DST: variants seen among roughly 807,000 people sequenced by gnomAD.
DST encodes bullous pemphigoid antigen.
Under a neutral mutation model 875.2 loss-of-function variants are expected in DST, and 253 were observed. That is an observed-to-expected ratio of 0.29 (90% CI 0.26 to 0.32). The LOEUF is 0.32. Ranked by LOEUF, DST falls within the 10% of genes least tolerant of loss-of-function variation. DST has a pLI of 1.00. For synonymous variants in DST, 3,124 were observed against 3,197.1 expected (o/e 0.98, Z 0.77); for missense variants, 8,287 against 9,111.6 (o/e 0.91, Z 3.68).
intron 9 of DST, among the ~76,000 whole-genome samples, chr6:56,679,591 T>G (rs945698466): frequency 7.1e-6 from 1 of 141,224 alleles, no homozygotes; most frequent in Non-Finnish European, 1.5e-5. Flanking sequence ...AGGAAGACTA[T>G]GTCTCATTAA....
chr6:56,834,371 G>T (rs1451293154), intron 4 of DST, among the ~76,000 whole-genome samples: 1 of 152,188 alleles, frequency 6.6e-6, no homozygotes, highest in African/African-American at 2.4e-5. Flanking sequence ...GGCCAAGGCG[G>T]GCAGATCACA....
chr6:56,892,356 C>T (rs1265494749), intron 3 of DST, among the ~76,000 whole-genome samples: 1 of 141,742 alleles, frequency 7.1e-6, no homozygotes, highest in African/African-American at 2.7e-5. Flanking sequence ...CAGTGTCTTG[C>T]TCTGTCACTC....
intron 50 of DST, among the ~76,000 whole-genome samples, chr6:56,576,961 ACTT>A (rs2097877370): frequency 6.6e-6 from 1 of 152,210 alleles, no homozygotes; most frequent in South Asian, 2.1e-4. Context: ...TTTAGTTTGC[ACTT>A]CTTAGTGATA....
intron 98 of DST, 42 bp from the exon 99 acceptor site, chr6:56,466,237 A>G: frequency 1.5e-6 from 2 of 1,370,904 alleles, no homozygotes; most frequent in Non-Finnish European, 2.0e-6. Flanking sequence ...TGTCAATAAT[A>G]ATTCTAAACT....
chr6:56,549,222 A>C (rs2097279692), intron 61 of DST, among the ~76,000 whole-genome samples: 1 of 152,174 alleles, frequency 6.6e-6, no homozygotes. Flanking sequence ...TTTTGTATTA[A>C]GAAAAACTAT....
rs765807293 is a variant in DST at position 56,472,053 on chromosome 6, C to G, written c.22158+6G>C. 6.2e-7 allele frequency: 1 copy of G among 1,613,784 alleles called. No individual in the cohort carries two copies. Among genetic ancestry groups the G allele is most frequent in the Non-Finnish European group, 8.5e-7 (1 of 1,179,738 alleles). On this transcript the variant is annotated splice_donor_region_variant and intron_variant, in intron 94 of 103. Transcript: ENST00000680361. The stretch of plus-strand genomic sequence containing the variant: ...AATGTGGTGTTGAGGGTATGAATTT[C>G]CAAACCTCCTCTAGTCTGTCCAAGG...
intron 2 of DST, among the ~76,000 whole-genome samples, chr6:56,933,957 A>T (rs17752459): frequency 6.6e-6 from 1 of 152,114 alleles, no homozygotes. Flanking sequence ...GTAAGAGCCA[A>T]TTCCTACATT....
At chr6:56,658,871 T>C (rs1346448124) in intron 10 of DST, among the ~76,000 whole-genome samples, 3 of 152,084 alleles carry the variant, frequency 2.0e-5, no homozygotes, top group South Asian at 2.1e-4. Flanking sequence ...AAGGCATGCA[T>C]AGGTCTGTGG....
At chr6:56,780,646 G>T (rs1054858243) in intron 4 of DST, among the ~76,000 whole-genome samples, 9 of 151,816 alleles carry the variant, frequency 5.9e-5, no homozygotes, top group African/African-American at 1.9e-4. Context: ...AGATGAGTAG[G>T]TTGCAAAAAT....
intron 72 of DST, among the ~76,000 whole-genome samples, chr6:56,514,034 G>A (rs1387541167): frequency 6.6e-6 from 1 of 152,182 alleles, no homozygotes; most frequent in Non-Finnish European, 1.5e-5. Context: ...ACAATTTGAA[G>A]ATGTGGCTAC....
At chr6:56,562,835 G>A (rs1051449469) in intron 55 of DST, among the ~76,000 whole-genome samples, 18 of 151,882 alleles carry the variant, frequency 1.2e-4, no homozygotes, top group Admixed American at 3.3e-4. Flanking sequence ...GAGAACATGC[G>A]GTGTTTGGTT....
At chr6:56,546,917 T>C (rs1044990999) in intron 61 of DST, among the ~76,000 whole-genome samples, 7 of 152,194 alleles carry the variant, frequency 4.6e-5, no homozygotes, top group Non-Finnish European at 7.3e-5. Flanking sequence ...AAAATGGTGA[T>C]ATAGGTTTAT....
chr6:56,825,700 A>G (rs2099779608), intron 4 of DST, among the ~76,000 whole-genome samples: 1 of 152,210 alleles, frequency 6.6e-6, no homozygotes, highest in African/African-American at 2.4e-5. Flanking sequence ...ATTCGCAGAA[A>G]AAGAAGTTGT....
chr6:56,948,372 A>C (rs1211056795), intron 2 of DST, among the ~76,000 whole-genome samples: 1 of 152,186 alleles, frequency 6.6e-6, no homozygotes, highest in Non-Finnish European at 1.5e-5. Flanking sequence ...ACTTGAACAC[A>C]AGTGTGGCAA....
chr6:56,762,844 CTT>C (rs869153143), intron 4 of DST, among the ~76,000 whole-genome samples: 17,893 of 110,566 alleles, frequency 0.16, 881 homozygotes, highest in African/African-American at 0.28. Context: ...AGAACACCAC[CTT>C]TTTTTTTTTT....
chr6:56,560,377 A>C lies in DST; in HGVS notation c.14357T>G (p.Leu4786Trp), dbSNP rs764864806. ...CAACAGCTCTGTCAATTTGTCTTTC[A>C]ACTCCTGTACTTTGTTTACATTCTG... ...LKQNVNKVQELKDKLTELLEE... is the reference protein window; with the variant it reads ...LKQNVNKVQEWKDKLTELLEE... The change falls in exon 58 of 104, where the codon TTG (leucine) becomes TGG (tryptophan). Residue 4786 changes from leucine (L) to tryptophan (W), a missense_variant. By Grantham distance (61) the Leu-to-Trp change is moderately conservative (BLOSUM62 -2). Coordinates refer to ENST00000680361, the MANE Select transcript of DST (RefSeq NM_001374736.1). 7 of 1,606,632 alleles carry C rather than the reference A, an allele frequency of 4.4e-6. No homozygotes were observed. The South Asian group carries it at 7.8e-5, about 18-fold the overall frequency.
intron 3 of DST, among the ~76,000 whole-genome samples, chr6:56,880,544 C>A (rs1364737865): frequency 6.6e-6 from 1 of 151,762 alleles, no homozygotes; most frequent in African/African-American, 2.4e-5. Context: ...AAAAATTAGC[C>A]GGGCGTGGTA....
At chr6:56,942,935 G>A (rs999111100) in intron 2 of DST, among the ~76,000 whole-genome samples, 46 of 151,776 alleles carry the variant, frequency 3.0e-4, no homozygotes, top group Admixed American at 2.6e-3. Context: ...TGCCCAGGCC[G>A]GTCTCGAATT....
intron 2 of DST, among the ~76,000 whole-genome samples, chr6:56,914,321 T>G (rs75952246): frequency 0.03 from 4,597 of 152,262 alleles, 211 homozygotes; most frequent in African/African-American, 0.1. Context: ...GTCTGGATAA[T>G]GTGGGGCATA....
Sources: gnomAD v4.1 joint callset for allele counts (sites outside exome capture counted in the v4.1 genomes callset) on GRCh38, gnomAD v4.1.1 for gene constraint, MANE v1.5 for transcripts, NCBI Gene and HGNC (gene_info 2026-07-23, HGNC 2026-07-21) for gene names.